Variants in CCDC149 observed in about 807,000 individuals in gnomAD.
CCDC149 encodes coiled-coil domain containing 149, also known as coiled-coil domain-containing protein 149.
A neutral mutation model predicts 59.9 loss-of-function variants in CCDC149; 45 were observed. The ratio of observed to expected loss-of-function variants is 0.75; its 90% CI spans 0.59 to 0.96. The LOEUF (loss-of-function observed/expected upper bound fraction) is 0.96, where lower values mean the gene tolerates loss of function less well. CCDC149 is among the 40% of genes least tolerant of loss of function. The pLI is 0.00. For synonymous variants in CCDC149, 245 were observed against 260.6 expected, an observed-to-expected ratio of 0.94 and a Z score of 0.58; for missense variants, 584 against 664.7, an observed-to-expected ratio of 0.88 and a Z score of 1.33.
At chr4:24,973,903 T>C (rs73105529) in intron 1 of CCDC149, among the ~76,000 whole-genome samples, 3,151 of 152,322 alleles carry the variant, frequency 0.021, 98 homozygotes, top group African/African-American at 0.066. Context: ...TTAAGGCAAG[T>C]AGGCCTTGCT....
chr4:24,915,104 T>C (rs1722088089), upstream of CCDC149, among the ~76,000 whole-genome samples: 1 of 152,210 alleles, frequency 6.6e-6, no homozygotes, highest in Non-Finnish European at 1.5e-5. Context: ...GCTGCCTAAC[T>C]CATTATCTTT....
chr4:24,943,879 T>C (rs986795560), intron 1 of CCDC149, among the ~76,000 whole-genome samples: 26 of 151,734 alleles, frequency 1.7e-4, no homozygotes, highest in African/African-American at 6.0e-4. Flanking sequence ...GTTAGAATGG[T>C]GATCATTAAA....
chr4:24,841,129 G>A (rs1462511436), intron 4 of CCDC149, among the ~76,000 whole-genome samples: 1 of 152,136 alleles, frequency 6.6e-6, no homozygotes, highest in Non-Finnish European at 1.5e-5. Context: ...ACAAAACAAT[G>A]TCTATCAGAT....
intron 3 of CCDC149, among the ~76,000 whole-genome samples, chr4:24,862,377 T>C (rs1310989384): frequency 6.6e-6 from 1 of 152,200 alleles, no homozygotes; most frequent in Non-Finnish European, 1.5e-5. Flanking sequence ...ATACCAGCCG[T>C]GGCGGCCAGA....
chr4:24,879,724 A>C (rs1719718883), intron 1 of CCDC149, among the ~76,000 whole-genome samples: 2 of 151,878 alleles, frequency 1.3e-5, no homozygotes, highest in Non-Finnish European at 2.9e-5. Flanking sequence ...GAAAAAGAAA[A>C]CACTGCTATC....
Position 24,880,869 on chromosome 4 carries a change from C to T in CCDC149, c.64-4172G>A, listed in dbSNP as rs117473865. Among the ~76,000 whole-genome samples, 8 of 152,346 alleles carry T rather than the reference C, an allele frequency of 5.3e-5. No homozygotes were observed. In the East Asian group the frequency reaches 1.5e-3, roughly 29 times the overall value. Reference sequence around the variant, plus strand: ...CCAAAAGAACGCACACTCCCCAGGACTCGTTTCCACACCTGGAAGATGAGG... The same window carrying T: ...CCAAAAGAACGCACACTCCCCAGGATTCGTTTCCACACCTGGAAGATGAGG... On this transcript the variant is annotated intron_variant, in intron 1 of 12. Coordinates refer to ENST00000635206, the MANE Select transcript of CCDC149 (RefSeq NM_001330643.2).
At chr4:24,835,617 A>T (rs1350584927) in intron 7 of CCDC149, among the ~76,000 whole-genome samples, 1 of 152,214 alleles carries the variant, frequency 6.6e-6, no homozygotes, top group Non-Finnish European at 1.5e-5. Context: ...TTTAAAAATT[A>T]TGTATTAATT....
At chr4:24,856,080 G>A (rs1391613456) in intron 3 of CCDC149, among the ~76,000 whole-genome samples, 1 of 152,202 alleles carries the variant, frequency 6.6e-6, no homozygotes, top group Non-Finnish European at 1.5e-5. Flanking sequence ...CTAAAGGTGG[G>A]TTACCTCCCT....
chr4:24,908,767 T>G (rs937722454), intron 1 of CCDC149, among the ~76,000 whole-genome samples: 6 of 152,242 alleles, frequency 3.9e-5, no homozygotes, highest in African/African-American at 9.6e-5. Context: ...TTAACTGTCT[T>G]CTGCCTCCTG....
chr4:24,837,641 C>A lies in CCDC149; in HGVS notation c.490-241G>T, dbSNP rs147804892. Among the ~76,000 whole-genome samples, 1 of 152,198 alleles carries A rather than the reference C, an allele frequency of 6.6e-6. No homozygotes were observed. The highest frequency in any genetic ancestry group is 2.4e-5 in the African/African-American group (1 of 41,458). The stretch of plus-strand genomic sequence containing the variant: ...GGTGCAGCAGCTTAGAAAACCAGAA[C>A]TGAACCCTCGCCAACTTCAGGATGC... On this transcript the variant is annotated intron_variant, in intron 5 of 12. Transcript: ENST00000635206. The surrounding 1 kb of genome is among the most constrained non-coding windows in gnomAD (Gnocchi z 4.3).
At chr4:24,922,322 T>C (rs977556349) in intron 1 of CCDC149, among the ~76,000 whole-genome samples, 7 of 152,200 alleles carry the variant, frequency 4.6e-5, no homozygotes, top group Non-Finnish European at 7.3e-5. Context: ...AATGTTCACT[T>C]TGTGTAGGTC....
At chr4:24,863,823 T>A (rs1718521997) in intron 3 of CCDC149, among the ~76,000 whole-genome samples, 2 of 152,258 alleles carry the variant, frequency 1.3e-5, no homozygotes, top group African/African-American at 4.8e-5. Context: ...CTTACCTATT[T>A]AGGAAAGTTT....
chr4:24,905,044 G>A (rs1329985805), intron 1 of CCDC149, among the ~76,000 whole-genome samples: 2 of 151,658 alleles, frequency 1.3e-5, no homozygotes, highest in Non-Finnish European at 2.9e-5. Context: ...TGGGATTACA[G>A]GTGCACACCA....
intron 9 of CCDC149, chr4:24,829,171 C>T (rs1715967155): frequency 6.6e-6 from 1 of 152,512 alleles, no homozygotes; most frequent in Admixed American, 6.5e-5. Context: ...GGACGGTCTC[C>T]CCAAGGAAGA....
At chr4:24,891,551 G>A (rs1366693912) in intron 1 of CCDC149, among the ~76,000 whole-genome samples, 1 of 152,206 alleles carries the variant, frequency 6.6e-6, no homozygotes, top group Non-Finnish European at 1.5e-5. Flanking sequence ...CTATTTATCA[G>A]GAGAACATTT....
chr4:24,822,445 T>TA (rs1165744591), intron 10 of CCDC149, 52 bp downstream of exon 10: 116 of 1,267,446 alleles, frequency 9.2e-5, no homozygotes, highest in Middle Eastern at 1.9e-4. Context: ...CTTCATTTCT[T>TA]AAAAAAAAGA....
chr4:24,819,845 C>A lies in CCDC149; in HGVS notation c.1192+14G>T. 2.0e-6 allele frequency: 3 copies of A among 1,534,916 alleles called. No homozygotes were observed. The highest frequency in any genetic ancestry group is 2.7e-6 in the Non-Finnish European group (3 of 1,131,684). ...ACAGTCCAGGTAAAGATGGAGAAAT[C>A]GAGGCGTGCTTACCATCCTTGGGAT... On this transcript the variant is annotated intron_variant, in intron 12 of 12. Coordinates refer to ENST00000635206, the MANE Select transcript of CCDC149 (RefSeq NM_001330643.2).
chr4:24,920,823 G>T (rs959020645), intron 1 of CCDC149, among the ~76,000 whole-genome samples: 2 of 152,182 alleles, frequency 1.3e-5, no homozygotes, highest in Non-Finnish European at 2.9e-5. Context: ...TTAAATTTAG[G>T]CCTCAATACC....
intron 1 of CCDC149, among the ~76,000 whole-genome samples, chr4:24,964,784 T>C (rs1723746432): frequency 6.6e-6 from 1 of 152,182 alleles, no homozygotes; most frequent in Non-Finnish European, 1.5e-5. Flanking sequence ...AAACACATCA[T>C]AATTATTCTT....
Sources: gnomAD v4.1 joint callset for allele counts (sites outside exome capture counted in the v4.1 genomes callset) on GRCh38, gnomAD v4.1.1 for gene constraint, Gnocchi (gnomAD v3.1) non-coding constraint, MANE v1.5 for transcripts, NCBI Gene and HGNC (gene_info 2026-07-23, HGNC 2026-07-21) for gene names.